The following PTPRG variants were observed in gnomAD, a reference collection of about 807,000 sequenced individuals.
The protein encoded by PTPRG is receptor-type tyrosine-protein phosphatase gamma.
A neutral mutation model predicts 165.3 loss-of-function variants in PTPRG; 102 were observed. The observed-to-expected ratio is 0.62, with a 90% CI of 0.53 to 0.73. The LOEUF is 0.73. PTPRG is among the 30% of genes least tolerant of loss of function. The pLI, the probability that PTPRG is intolerant of heterozygous loss-of-function variation, is 0.00. For missense variants in PTPRG, 1,866 were observed against 1,861.4 expected, an observed-to-expected ratio of 1.00 and a Z score of -0.05; for synonymous variants, 675 against 669.5, an observed-to-expected ratio of 1.01 and a Z score of -0.13.
intron 14 of PTPRG, among the ~76,000 whole-genome samples, chr3:62,235,594 G>A (rs978117966): frequency 2.0e-5 from 3 of 152,164 alleles, no homozygotes; most frequent in Non-Finnish European, 2.9e-5. Context: ...GACCACTTTT[G>A]TGCCTATAAT....
intron 1 of PTPRG, among the ~76,000 whole-genome samples, chr3:61,696,737 A>T (rs1341566137): frequency 2.0e-4 from 31 of 152,198 alleles, no homozygotes; most frequent in Non-Finnish European, 1.5e-5. Flanking sequence ...TCAATGGAGA[A>T]ATCCCTTTTC....
At position 62,203,321 on chromosome 3, in the gene PTPRG, C is replaced by T. The variant is rs1296232401; in HGVS notation, c.1526C>T (p.Ser509Leu). 7 of 1,613,860 alleles carry T rather than the reference C, an allele frequency of 4.3e-6. No individual in the cohort carries two copies. The highest frequency in any genetic ancestry group is 5.1e-6 in the Non-Finnish European group (6 of 1,180,026). The change falls in exon 12 of 30, where the codon TCG becomes TTG. Residue 509 changes from serine (S) to leucine (L), a missense_variant. Physicochemically the swap from Ser to Leu is moderately radical, Grantham distance 145. Around this residue, in one of 3 missense-constraint regions of PTPRG, gnomAD observed 1,452 missense variants for 1,463.0 expected, o/e 0.99. Coordinates refer to ENST00000474889, the MANE Select transcript of PTPRG (RefSeq NM_002841.4). The surrounding 1 kb of genome is among the most constrained non-coding windows in gnomAD (Gnocchi z 6.4). ...AGTGGCAGCCAGGCCACAGTGGCCT[C>T]GGTGGTCACCAGCACGCTGCTCGCC... ...SSSGSQATVA[S>L]VVTSTLLAGL...
At chr3:62,192,393 CTTTTTTTTT>C (rs71123255) in intron 9 of PTPRG, among the ~76,000 whole-genome samples, 1,846 of 52,776 alleles carry the variant, frequency 0.035, 79 homozygotes, top group Middle Eastern at 0.31. Context: ...CAACTACTGT[CTTTTTTTTT>C]TTTTTTTTTT....
At chr3:62,008,556 A>T (rs755191824) in intron 4 of PTPRG, among the ~76,000 whole-genome samples, 1 of 152,214 alleles carries the variant, frequency 6.6e-6, no homozygotes, top group Non-Finnish European at 1.5e-5. Context: ...GCAATCCCTT[A>T]TCTGAAACTC....
chr3:62,282,035 GT>G (rs1220230257), intron 27 of PTPRG, among the ~76,000 whole-genome samples: 1 of 151,938 alleles, frequency 6.6e-6, no homozygotes, highest in Non-Finnish European at 1.5e-5. Flanking sequence ...ATAATACTAA[GT>G]TTTTTTAAGT....
intron 6 of PTPRG, among the ~76,000 whole-genome samples, chr3:62,155,216 G>A (rs1178091741): frequency 6.6e-6 from 1 of 152,212 alleles, no homozygotes; most frequent in Non-Finnish European, 1.5e-5. Flanking sequence ...TTTAGAAAAA[G>A]ACGAATTGAA....
At chr3:62,227,779 C>T (rs1422080813) in intron 13 of PTPRG, among the ~76,000 whole-genome samples, 1 of 152,256 alleles carries the variant, frequency 6.6e-6, no homozygotes, top group East Asian at 1.9e-4. Flanking sequence ...AGCAGGTAAA[C>T]CAAGGTAATC....
At chr3:62,290,787 A>G (rs1702857755) in intron 28 of PTPRG, among the ~76,000 whole-genome samples, 1 of 152,166 alleles carries the variant, frequency 6.6e-6, no homozygotes, top group Admixed American at 6.5e-5. Flanking sequence ...ACTCAGATGA[A>G]TTAGACAATT....
intron 1 of PTPRG, among the ~76,000 whole-genome samples, chr3:61,563,154 GGCC>G (rs1699809148): frequency 6.2e-5 from 1 of 16,228 alleles, no homozygotes; most frequent in South Asian, 5.2e-3. Context: ...CGGTTTCGGC[GGCC>G]GGGGCGGTTT....
chr3:61,742,997 A>G (rs1234565636), intron 1 of PTPRG: 5 of 1,543,214 alleles, frequency 3.2e-6, no homozygotes, highest in Admixed American at 1.7e-5. Flanking sequence ...TAGTTCTTCA[A>G]GCTGATCTGC....
At chr3:62,173,749 G>C (rs1291303700) in intron 8 of PTPRG, among the ~76,000 whole-genome samples, 2 of 149,788 alleles carry the variant, frequency 1.3e-5, no homozygotes, top group Non-Finnish European at 3.0e-5. Context: ...CGCCTCCTCT[G>C]TTCCCTGGTT....
At chr3:62,109,112 C>G (rs1702577683) in intron 5 of PTPRG, among the ~76,000 whole-genome samples, 1 of 152,194 alleles carries the variant, frequency 6.6e-6, no homozygotes, top group South Asian at 2.1e-4. Flanking sequence ...GACATGAAGT[C>G]TTTGCCAATG....
intron 2 of PTPRG, among the ~76,000 whole-genome samples, chr3:61,785,806 T>C (rs2034679832): frequency 6.6e-6 from 1 of 152,114 alleles, no homozygotes; most frequent in Non-Finnish European, 1.5e-5. Flanking sequence ...AACATATAGG[T>C]AGGGTCATGA....
At chr3:61,928,481 A>C (rs2039281559) in intron 2 of PTPRG, among the ~76,000 whole-genome samples, 1 of 152,162 alleles carries the variant, frequency 6.6e-6, no homozygotes. Context: ...TGAAAGAAAA[A>C]GTCATAGCAA....
intron 2 of PTPRG, among the ~76,000 whole-genome samples, chr3:61,919,234 C>T (rs141396081): frequency 0.011 from 1,647 of 152,186 alleles, 37 homozygotes; most frequent in South Asian, 0.093. Context: ...GCTTCATTTT[C>T]GGTGCTGCGT....
intron 12 of PTPRG, among the ~76,000 whole-genome samples, chr3:62,216,743 C>A (rs958753468): frequency 6.6e-6 from 1 of 152,212 alleles, no homozygotes; most frequent in Non-Finnish European, 1.5e-5. Context: ...ACTGCTCTTA[C>A]GACTAAATTC....
At chr3:62,268,973 C>T (rs1701973173) in intron 19 of PTPRG, 62 bp from the exon 20 acceptor site, 2 of 1,413,492 alleles carry the variant, frequency 1.4e-6, no homozygotes, top group Non-Finnish European at 1.9e-6. Context: ...TTTGAAATTA[C>T]ATTATCAACA....
chr3:61,958,481 C>G (rs2040082761), intron 2 of PTPRG, among the ~76,000 whole-genome samples: 1 of 152,124 alleles, frequency 6.6e-6, no homozygotes, highest in Admixed American at 6.6e-5. Context: ...AGTAATGCTG[C>G]CTGTAATTTG....
At chr3:61,842,684 C>CAAAAAAAAAAAAA (rs199500194) in intron 2 of PTPRG, among the ~76,000 whole-genome samples, 1 of 121,626 alleles carries the variant, frequency 8.2e-6, no homozygotes, top group African/African-American at 3.1e-5. Context: ...GTATGTGTGG[C>CAAAAAAAAAAAAA]AAAAAAAAAA....
Sources: gnomAD v4.1 joint callset for allele counts (sites outside exome capture counted in the v4.1 genomes callset) on GRCh38, gnomAD v4.1.1 for gene constraint, gnomAD v4.1.1 regional missense constraint, Gnocchi (gnomAD v3.1) non-coding constraint, MANE v1.5 for transcripts, NCBI Gene and HGNC (gene_info 2026-07-23, HGNC 2026-07-21) for gene names.